TMEM179: variants seen among roughly 807,000 people sequenced by gnomAD.
TMEM179 encodes the protein transmembrane protein 179.
A neutral mutation model predicts 22.2 loss-of-function variants in TMEM179; 17 were observed. The ratio of observed to expected loss-of-function variants is 0.77; its 90% confidence interval spans 0.52 to 1.15. The LOEUF (loss-of-function observed/expected upper bound fraction) is 1.15. Ranked by LOEUF, TMEM179 falls within the 50% of genes most tolerant of loss-of-function variation. The pLI is 0.00. For synonymous variants in TMEM179, 127 were observed against 140.5 expected (o/e 0.90, Z 0.68); for missense variants, 265 against 313.6 (o/e 0.84, Z 1.17).
intron 1 of TMEM179, among the ~76,000 whole-genome samples, chr14:104,603,074 G>A (rs938508535): frequency 1.3e-5 from 2 of 152,140 alleles, no homozygotes; most frequent in African/African-American, 4.8e-5. Flanking sequence ...GGGACAAGTG[G>A]GTTTCAGTCC....
intron 1 of TMEM179, among the ~76,000 whole-genome samples, chr14:104,598,133 T>C (rs759692697): frequency 7.2e-5 from 11 of 152,144 alleles, no homozygotes; most frequent in Non-Finnish European, 1.0e-4. Flanking sequence ...CCATCATCTC[T>C]GAATTGCTCC....
At chr14:104,601,092 C>T (rs1421615013) in intron 1 of TMEM179, among the ~76,000 whole-genome samples, 1 of 152,248 alleles carries the variant, frequency 6.6e-6, no homozygotes, top group Non-Finnish European at 1.5e-5. Flanking sequence ...GTGGCTGGTC[C>T]TGAGTCCCCT....
intron 1 of TMEM179, among the ~76,000 whole-genome samples, chr14:104,602,030 A>C (rs1324804399): frequency 6.6e-6 from 1 of 152,050 alleles, no homozygotes; most frequent in Admixed American, 6.5e-5. Flanking sequence ...GAACACCACA[A>C]AGAGTGCTGG....
rs1018132425 is a variant in TMEM179 at position 104,595,697 on chromosome 14, T to G, written c.444-454A>C. 1.3e-5 allele frequency among the ~76,000 whole-genome samples: 2 copies of G among 152,204 alleles called. No homozygotes were observed. Among genetic ancestry groups the G allele is most frequent in the Non-Finnish European group, 2.9e-5 (2 of 68,030 alleles). On this transcript the variant is annotated intron_variant, in intron 2 of 3. Transcript: ENST00000556573. The surrounding 1 kb of genome is among the most constrained non-coding windows in gnomAD (Gnocchi z 5.7). ...CAGAGGCAGGAGATGCAGGGCTGCC[T>G]CAGCCAGACAGAGATGGAGGTGGCA... is the stretch of plus-strand genomic sequence containing the variant.
At position 104,593,607 on chromosome 14, in the gene TMEM179, A is replaced by C. The variant is rs1258660502; in HGVS notation, c.574T>G (p.Phe192Val). 1.0e-5 allele frequency: 15 copies of C among 1,505,930 alleles called. No individual in the cohort carries two copies. Among genetic ancestry groups the C allele is most frequent in the Non-Finnish European group, 1.3e-5 (15 of 1,128,472 alleles). The allele number at this position is 1,505,930 out of a possible 1,614,324, so 93.3% of individuals were successfully genotyped here. ...CGGTAGTTGTGGTAGACCTTCAGGA[A>C]GGCCAGCGTGGTGATGGCCAGCCAG... ...LAWLAITTLAFLKVYHNYRQE... is the reference protein window; with the variant it reads ...LAWLAITTLAVLKVYHNYRQE... The change falls in exon 4 of 4, where the codon TTC becomes GTC. Residue 192 changes from phenylalanine to valine, a missense_variant. Transcript: ENST00000556573.
rs1402003677 is a variant in TMEM179, at chr14:104,599,186, T to A, written c.306-2059A>T. Among the ~76,000 whole-genome samples, 4 of 152,166 alleles carry A rather than the reference T, an allele frequency of 2.6e-5. No homozygotes were observed. In the East Asian group the frequency reaches 5.8e-4, roughly 22 times the overall value. ...TCCATCCGCCCTGCCCAAGCCTGAA[T>A]CACCATGTGCCAGTGTCTCCCGCCT... On this transcript the variant is annotated intron_variant, in intron 1 of 3. Coordinates refer to ENST00000556573, the MANE Select transcript of TMEM179 (RefSeq NM_001286389.2).
chr14:104,594,167 A>G (rs1886937874), intron 3 of TMEM179: 1 of 1,232,242 alleles, frequency 8.1e-7, no homozygotes, highest in Non-Finnish European at 1.0e-6. Context: ...ATTTGCCATC[A>G]GACTGCACTC....
chr14:104,597,529 G>A lies in TMEM179; in HGVS notation c.306-402C>T, dbSNP rs980122384. The stretch of plus-strand genomic sequence containing the variant: ...TGCTTGTGTCCCCCCAAATCCATAT[G>A]TTCCAGTCCACTGAGGGGTTAGAAA... On this transcript the variant is annotated intron_variant, in intron 1 of 3. Coordinates refer to ENST00000556573, the MANE Select transcript of TMEM179 (RefSeq NM_001286389.2). This position sits in a 1 kb window ranked among gnomAD's most constrained non-coding sequence, Gnocchi z 4.8. Among the ~76,000 whole-genome samples the A allele has an allele frequency of 4.6e-5, 7 of 152,162 alleles. No homozygotes were observed. The highest frequency in any genetic ancestry group is 1.7e-4 in the African/African-American group (7 of 41,430).
Position 104,600,607 on chromosome 14 carries a change from CATTT to C in TMEM179, c.306-3484_306-3481del, listed in dbSNP as rs1039590971. Among the ~76,000 whole-genome samples, 12 of 150,882 alleles carry C rather than the reference CATTT, an allele frequency of 8.0e-5. No homozygotes were observed. In the South Asian group the frequency reaches 8.6e-4, roughly 11 times the overall value. On this transcript the variant is annotated intron_variant, in intron 1 of 3. Transcript: ENST00000556573. The stretch of plus-strand genomic sequence containing the variant: ...CCATTCATTCATTCATTCATTCATT[CATTT>C]ACTCATTCATTCATTCATTCATTCA...
Position 104,595,301 on chromosome 14 carries a change from G to A in TMEM179, c.444-58C>T. 1 of 1,536,994 alleles carries A rather than the reference G, an allele frequency of 6.5e-7. No individual in the cohort carries two copies. The highest frequency in any genetic ancestry group is 8.9e-7 in the Non-Finnish European group (1 of 1,126,936). On this transcript the variant is annotated intron_variant, in intron 2 of 3. Coordinates refer to ENST00000556573, the MANE Select transcript of TMEM179 (RefSeq NM_001286389.2). The surrounding 1 kb of genome is among the most constrained non-coding windows in gnomAD (Gnocchi z 5.7). The stretch of plus-strand genomic sequence containing the variant: ...CACCAGGACAGCCAGTGCGGGACAT[G>A]GCTGAGCCGCTGGCCAGAGAGCCAG...
chr14:104,604,629 C>T lies in TMEM179; in HGVS notation c.113G>A (p.Arg38His). The change falls in exon 1 of 4, where the codon CGC (arginine) becomes CAC (histidine). Residue 38 changes from arginine (R) to histidine (H), a missense_variant. Arg to His is a conservative substitution (Grantham distance 29). Transcript: ENST00000556573. This position sits in a 1 kb window ranked among gnomAD's most constrained non-coding sequence, Gnocchi z 4.6. ...CATGCCCTCGGTGAAGAGCAGGCAG[C>T]GGCCGCGGAAGTCGTGGCCGTTCTC... ...LSENGHDFRG[R>H]CLLFTEGMWL... The T allele has an allele frequency of 6.3e-7, 1 of 1,575,504 alleles. No homozygotes were observed. Among genetic ancestry groups the T allele is most frequent in the African/African-American group, 1.4e-5 (1 of 71,266 alleles).
chr14:104,594,090 G>A, intron 3 of TMEM179: 1 of 1,233,530 alleles, frequency 8.1e-7, no homozygotes, highest in Non-Finnish European at 1.0e-6. Flanking sequence ...TTTCCAAACA[G>A]TTGAAGGAGA....
chr14:104,603,595 GGGTGGGTGGATTCACAGAGGT>G (rs1185574614), intron 1 of TMEM179, among the ~76,000 whole-genome samples: 5 of 148,706 alleles, frequency 3.4e-5, no homozygotes, highest in South Asian at 4.3e-4. Context: ...TTCACAGAGG[GGGTGGGTGGATTCACAGAGGT>G]GGTAGATGGG....
chr14:104,603,124 T>C (rs1887293449), intron 1 of TMEM179, among the ~76,000 whole-genome samples: 1 of 152,162 alleles, frequency 6.6e-6, no homozygotes, highest in South Asian at 2.1e-4. Context: ...AGGGCGCTCC[T>C]ACCCACAGGC....
intron 3 of TMEM179, chr14:104,594,001 C>T (rs1239507605): frequency 3.3e-6 from 4 of 1,194,476 alleles, no homozygotes; most frequent in South Asian, 4.3e-5. Context: ...CCAGCAGCTC[C>T]GGCCTGTCGG....
intron 1 of TMEM179, among the ~76,000 whole-genome samples, chr14:104,600,747 G>C (rs1210697152): frequency 1.3e-5 from 2 of 152,202 alleles, no homozygotes; most frequent in African/African-American, 4.8e-5. Flanking sequence ...TCAGGGCCCA[G>C]ACTCTGCATG....
intron 1 of TMEM179, among the ~76,000 whole-genome samples, chr14:104,603,682 CTCACAGAGGGAGTGGGAGGGT>C (rs1282767086): frequency 6.7e-6 from 1 of 149,170 alleles, no homozygotes; most frequent in Non-Finnish European, 1.5e-5. Context: ...AGTGGGTGGG[CTCACAGAGGGAGTGGGAGGGT>C]TCACAGAGAG....
Position 104,593,350 on chromosome 14 carries a change from C to T in TMEM179, c.*129G>A, listed in dbSNP as rs1039845529. 13 of 1,172,834 alleles carry T rather than the reference C, an allele frequency of 1.1e-5. No individual in the cohort carries two copies. The Admixed American group carries it at 1.3e-4, about 12-fold the overall frequency. 72.7% of individuals were successfully genotyped at this position (1,172,834 alleles called of 1,614,324 possible). A position where few individuals can be genotyped will look rare whatever the true frequency, so the allele number is the denominator to read the frequency against. On this transcript the variant is annotated 3_prime_UTR_variant, in exon 4 of 4. Transcript: ENST00000556573. ...GCGCTCACCTCACTACACGTGGCGT[C>T]GAGGGGACACACGCAGGGCTGCATG...
At position 104,596,995 on chromosome 14, in the gene TMEM179, G is replaced by T. The variant is rs756756839; in HGVS notation, c.438C>A (p.Pro146=). The T allele has an allele frequency of 6.2e-6, 10 of 1,604,438 alleles. No homozygotes were observed. The East Asian group carries it at 1.8e-4, about 29-fold the overall frequency. Residue 146 remains proline, a synonymous_variant, in exon 2 of 4, where the codon CCC becomes CCA. Transcript: ENST00000556573. ...GGCGGGTGGGGCGGGCGCACCTGTG[G>T]GGTACGGTGCCCTTCTCGGTGATGG... is the stretch of plus-strand genomic sequence containing the variant. The part of the protein sequence containing the change: ...CDTITEKGTV[P]HSCEELQDID...
Sources: gnomAD v4.1 joint callset for allele counts (sites outside exome capture counted in the v4.1 genomes callset) on GRCh38, gnomAD v4.1.1 for gene constraint, Gnocchi (gnomAD v3.1) non-coding constraint, MANE v1.5 for transcripts, NCBI Gene and HGNC (gene_info 2026-07-23, HGNC 2026-07-21) for gene names.